The following KSR2 variants were observed in gnomAD, a reference collection of about 807,000 sequenced individuals.
KSR2 encodes the protein kinase suppressor of ras 2.
Under a neutral mutation model 107.8 loss-of-function variants are expected in KSR2, and 25 were observed. The observed-to-expected ratio is 0.23, with a 90% confidence interval of 0.17 to 0.32. The LOEUF is 0.32. Ranked by LOEUF, KSR2 falls within the 10% of genes least tolerant of loss-of-function variation. The pLI, the probability that KSR2 is intolerant of heterozygous loss-of-function variation, is 1.00. For missense variants in KSR2, 887 were observed against 1,268.9 expected (o/e 0.70, Z 4.57); for synonymous variants, 480 against 507.0 (o/e 0.95, Z 0.71).
intron 3 of KSR2, among the ~76,000 whole-genome samples, chr12:117,790,534 A>C (rs1443302585): frequency 6.6e-6 from 1 of 152,222 alleles, no homozygotes; most frequent in Non-Finnish European, 1.5e-5. Context: ...GCACCTGTGA[A>C]TATCAGCTAC....
chr12:117,824,563 A>T (rs1891671434), intron 3 of KSR2, among the ~76,000 whole-genome samples: 1 of 152,094 alleles, frequency 6.6e-6, no homozygotes, highest in Admixed American at 6.5e-5. Context: ...AAATTATTTT[A>T]AAAAAATTTT....
intron 3 of KSR2, among the ~76,000 whole-genome samples, chr12:117,773,821 C>T (rs764093670): frequency 1.3e-5 from 2 of 152,276 alleles, no homozygotes; most frequent in South Asian, 2.1e-4. Context: ...ACAGGAAAAG[C>T]GAAGTACAAT....
chr12:117,908,677 C>T (rs1306118091), intron 1 of KSR2, among the ~76,000 whole-genome samples: 1 of 152,186 alleles, frequency 6.6e-6, no homozygotes, highest in Non-Finnish European at 1.5e-5. Context: ...CGCCAACATT[C>T]TAACACAATA....
chr12:117,720,818 C>G (rs939885037), intron 4 of KSR2, among the ~76,000 whole-genome samples: 1 of 151,926 alleles, frequency 6.6e-6, no homozygotes, highest in Non-Finnish European at 1.5e-5. Flanking sequence ...GATCTGAGAT[C>G]TCAGGGAAAA....
chr12:117,508,532 T>C (rs1873839264), intron 14 of KSR2, among the ~76,000 whole-genome samples: 1 of 151,878 alleles, frequency 6.6e-6, no homozygotes, highest in African/African-American at 2.4e-5. Context: ...TTAATGGTGA[T>C]TAAACAGATG....
At chr12:117,823,733 A>C (rs1248606822) in intron 3 of KSR2, among the ~76,000 whole-genome samples, 1 of 152,216 alleles carries the variant, frequency 6.6e-6, no homozygotes, top group Non-Finnish European at 1.5e-5. Flanking sequence ...CTCCTTGCAC[A>C]TACTGATAGG....
intron 3 of KSR2, among the ~76,000 whole-genome samples, chr12:117,788,878 A>G (rs868263293): frequency 6.6e-6 from 1 of 152,170 alleles, no homozygotes; most frequent in Admixed American, 6.5e-5. Flanking sequence ...TGAATATTCT[A>G]TGATTCTCTC....
intron 4 of KSR2, among the ~76,000 whole-genome samples, chr12:117,691,037 A>C (rs556163034): frequency 1.3e-5 from 2 of 152,340 alleles, no homozygotes; most frequent in South Asian, 4.1e-4. Context: ...AGAATCGGCA[A>C]ACCTACTCTC....
rs1226153391 is a variant in KSR2, at chr12:117,801,998, GGTGTAA to G, written c.473-40480_473-40475del. Among the ~76,000 whole-genome samples, 5 of 152,098 alleles carry G rather than the reference GGTGTAA, an allele frequency of 3.3e-5. No homozygotes were observed. The South Asian group carries it at 1.0e-3, about 32-fold the overall frequency. ...GTGGGATACATTTGCAAAAAGGCAT[GGTGTAA>G]GTTTCCTATGACAATAAGATTAGGG... is the stretch of plus-strand genomic sequence containing the variant. On this transcript the variant is annotated intron_variant, in intron 3 of 19. Coordinates refer to ENST00000339824, the MANE Select transcript of KSR2 (RefSeq NM_173598.6).
intron 4 of KSR2, among the ~76,000 whole-genome samples, chr12:117,707,718 G>A (rs1886582534): frequency 6.6e-6 from 1 of 152,204 alleles, no homozygotes; most frequent in African/African-American, 2.4e-5. Flanking sequence ...ACAAACAAGA[G>A]AAAATGAGGA....
intron 7 of KSR2, among the ~76,000 whole-genome samples, chr12:117,561,037 C>T (rs1277556667): frequency 6.6e-6 from 1 of 152,076 alleles, no homozygotes; most frequent in Admixed American, 6.6e-5. Context: ...ACTAACACAC[C>T]TTATATTAAT....
At chr12:117,792,372 A>AAGG (rs1307503335) in intron 3 of KSR2, among the ~76,000 whole-genome samples, 2 of 151,820 alleles carry the variant, frequency 1.3e-5, no homozygotes, top group Non-Finnish European at 2.9e-5. Flanking sequence ...GAAGAAGAAG[A>AAGG]AGAATTGCAG....
At chr12:117,478,016 A>C (rs1490833857) in intron 16 of KSR2, among the ~76,000 whole-genome samples, 1 of 152,212 alleles carries the variant, frequency 6.6e-6, no homozygotes, top group Admixed American at 6.5e-5. Context: ...CCCCTCTGAG[A>C]TCTTCACTGA....
chr12:117,710,413 T>A (rs977407965), intron 4 of KSR2, among the ~76,000 whole-genome samples: 2 of 152,204 alleles, frequency 1.3e-5, no homozygotes, highest in African/African-American at 4.8e-5. Flanking sequence ...GTATTAGGGC[T>A]GGGCAGAAAG....
intron 1 of KSR2, among the ~76,000 whole-genome samples, chr12:117,935,887 T>C (rs1454230012): frequency 6.6e-6 from 1 of 152,136 alleles, no homozygotes; most frequent in Non-Finnish European, 1.5e-5. Context: ...TCTGAGTGCT[T>C]TTCCCCCCAG....
chr12:117,911,628 C>T (rs1895016822), intron 1 of KSR2, among the ~76,000 whole-genome samples: 1 of 152,188 alleles, frequency 6.6e-6, no homozygotes, highest in African/African-American at 2.4e-5. Context: ...GACTTCTTGT[C>T]CTACTTTATT....
intron 14 of KSR2, among the ~76,000 whole-genome samples, chr12:117,517,313 G>T (rs573481578): frequency 6.6e-6 from 1 of 152,346 alleles, no homozygotes; most frequent in East Asian, 1.9e-4. Context: ...CAAATGCCTG[G>T]ATGGATATAC....
At position 117,747,895 on chromosome 12, in the gene KSR2, G is replaced by A. The variant is rs548845793; in HGVS notation, c.986+13116C>T. Among the ~76,000 whole-genome samples, 4 of 152,244 alleles carry A rather than the reference G, an allele frequency of 2.6e-5. No homozygotes were observed. The East Asian group carries it at 7.7e-4, about 29-fold the overall frequency. On this transcript the variant is annotated intron_variant, in intron 4 of 19. Transcript: ENST00000339824. Reference sequence around the variant, plus strand: ...AGCCATTATGGAAAACAGTGTGGAGGTTCCACAAAATACTAAAAATAGAAC... The same window carrying A: ...AGCCATTATGGAAAACAGTGTGGAGATTCCACAAAATACTAAAAATAGAAC...
In KSR2 at chr12:117,600,026, G is replaced by A. The variant is rs749295974; in HGVS notation, c.1172-17667C>T. 1.3e-5 allele frequency among the ~76,000 whole-genome samples: 2 copies of A among 152,120 alleles called. 1 individual carries two copies. Among genetic ancestry groups the A allele is most frequent in the African/African-American group, 4.8e-5 (2 of 41,412 alleles). ...TGCCACAGGTTCTACCAGACAAATG[G>A]CTCATTGTCTTCTTTGAGTGACCAG... On this transcript the variant is annotated intron_variant, in intron 5 of 19. Transcript: ENST00000339824.
Sources: allele counts gnomAD v4.1 joint callset (sites outside exome capture counted in the v4.1 genomes callset), GRCh38; gene constraint gnomAD v4.1.1; transcripts MANE v1.5; gene names NCBI Gene and HGNC (gene_info 2026-07-23, HGNC 2026-07-21).